Variants in ZAR1L observed in about 807,000 individuals in gnomAD.
ZAR1L encodes the protein protein ZAR1-like.
A neutral mutation model predicts 30.0 loss-of-function variants in ZAR1L; 16 were observed. The ratio of observed to expected loss-of-function variants is 0.53; its 90% CI spans 0.36 to 0.81. The LOEUF is 0.81. Among genes scored for constraint, ZAR1L ranks in the 30% least tolerant of loss-of-function variants. The probability of loss-of-function intolerance (pLI) is 0.00; values close to 1 mark genes in which losing one functional copy is unlikely to be tolerated. For synonymous variants in ZAR1L, 197 were observed against 166.8 expected (o/e 1.18, Z -1.40); for missense variants, 392 against 417.2 (o/e 0.94, Z 0.53).
At chr13:32,314,069 A>G (rs2072232534) in intron 2 of ZAR1L, among the ~76,000 whole-genome samples, 1 of 152,240 alleles carries the variant, frequency 6.6e-6, no homozygotes, top group African/African-American at 2.4e-5. Flanking sequence ...CAGTATCCTC[A>G]TCTGACAATA....
chr13:32,312,363 AAAGTTAATAG>A (rs1473880439), intron 2 of ZAR1L, among the ~76,000 whole-genome samples: 1 of 152,252 alleles, frequency 6.6e-6, no homozygotes, highest in African/African-American at 2.4e-5. Context: ...GTTCCTTAAA[AAAGTTAATAG>A]AAGTACCAGA....
intron 5 of ZAR1L, among the ~76,000 whole-genome samples, chr13:32,305,614 T>A (rs1048348509): frequency 1.3e-5 from 2 of 152,218 alleles, no homozygotes; most frequent in African/African-American, 4.8e-5. Context: ...ATGAATTCAT[T>A]TAATTCTCAC....
At chr13:32,313,435 C>T (rs778592272) in intron 2 of ZAR1L, among the ~76,000 whole-genome samples, 1 of 152,208 alleles carries the variant, frequency 6.6e-6, no homozygotes, top group Non-Finnish European at 1.5e-5. Context: ...GGCATGATTT[C>T]GGCTCACTGC....
Position 32,311,920 on chromosome 13 carries a change from C to T in ZAR1L, c.6G>A (p.Glu2=). The T allele has an allele frequency of 6.5e-7, 1 of 1,546,028 alleles. No individual in the cohort carries two copies. Among genetic ancestry groups the T allele is most frequent in the Non-Finnish European group, 8.7e-7 (1 of 1,143,640 alleles). The change falls in exon 3 of 6, where the codon GAG becomes GAA. Residue 2 remains glutamate, a synonymous_variant. Coordinates refer to ENST00000533490, the MANE Select transcript of ZAR1L (RefSeq NM_001136571.2). M[E]RFVRVPYGLY... Reference sequence around the variant, plus strand: ...AGCCATAGGGAACACGGACAAAGCGCTCCATCCGCTCTCAGGTGCTCAGGC... The same window carrying T: ...AGCCATAGGGAACACGGACAAAGCGTTCCATCCGCTCTCAGGTGCTCAGGC...
intron 5 of ZAR1L, among the ~76,000 whole-genome samples, chr13:32,307,111 A>G (rs1324725612): frequency 6.6e-6 from 1 of 152,070 alleles, no homozygotes. Context: ...ATACACAATA[A>G]TCTTATAAAA....
At position 32,303,829 on chromosome 13, in the gene ZAR1L, G is replaced by A; in HGVS notation, c.*50C>T. ...AGTTGCAAAAAAGGAAGACAGCACA[G>A]TAAGTTACAAGAAGAGCTCAGGGGT... is the stretch of plus-strand genomic sequence containing the variant. On this transcript the variant is annotated 3_prime_UTR_variant, in exon 6 of 6. Coordinates refer to ENST00000533490, the MANE Select transcript of ZAR1L (RefSeq NM_001136571.2). The A allele has an allele frequency of 1.3e-6, 2 of 1,525,022 alleles. No homozygotes were observed. The highest frequency in any genetic ancestry group is 1.8e-6 in the Non-Finnish European group (2 of 1,132,810). The allele number at this position is 1,525,022 out of a possible 1,614,324, so 94.5% of individuals were successfully genotyped here.
intron 2 of ZAR1L, among the ~76,000 whole-genome samples, chr13:32,313,013 G>T (rs73169172): frequency 0.14 from 20,927 of 152,186 alleles, 1,885 homozygotes; most frequent in Admixed American, 0.18. Context: ...TGTGGAATCT[G>T]AAAAAGTCAA....
chr13:32,312,037 T>A lies in ZAR1L; in HGVS notation c.-112A>T. ...TTTCTCTTCATCAGGTTGGTTCAGA[T>A]TCATTCCTGGCTTCTCCATTTATTT... On this transcript the variant is annotated 5_prime_UTR_variant, in exon 3 of 6. Coordinates refer to ENST00000533490, the MANE Select transcript of ZAR1L (RefSeq NM_001136571.2). 8.1e-7 allele frequency: 1 copy of A among 1,233,484 alleles called. No individual in the cohort carries two copies. The highest frequency in any genetic ancestry group is 1.1e-6 in the Non-Finnish European group (1 of 912,132). 76.4% of individuals were successfully genotyped at this position (1,233,484 alleles called of 1,614,324 possible). A position where few individuals can be genotyped will look rare whatever the true frequency, so the allele number is the denominator to read the frequency against.
chr13:32,310,613 T>C (rs1162179525), intron 4 of ZAR1L, 26 bp downstream of exon 4: 6 of 1,473,844 alleles, frequency 4.1e-6, no homozygotes, highest in South Asian at 1.2e-5. Context: ...CCCATCCTCC[T>C]CTCACCTCCT....
At position 32,311,792 on chromosome 13, in the gene ZAR1L, G is replaced by C. The variant is rs542906029; in HGVS notation, c.134C>G (p.Ala45Gly). The C allele has an allele frequency of 9.7e-6, 15 of 1,551,674 alleles. No individual in the cohort carries two copies. The East Asian group carries it at 1.7e-4, about 18-fold the overall frequency. ...CGCGGGCACCAGCAGCCCTGGCCTG[G>C]CCAGAAAAGTGGGAGGACCCATATT... is the stretch of plus-strand genomic sequence containing the variant. ...RQNMGPPTFL[A>G]RPGLLVPANA... The change falls in exon 3 of 6, where the codon GCC (alanine) becomes GGC (glycine). Residue 45 changes from alanine to glycine, a missense_variant. Transcript: ENST00000533490.
At chr13:32,308,833 TAAG>T in intron 4 of ZAR1L, 73 bp from the exon 5 acceptor site, 3 of 1,021,688 alleles carry the variant, frequency 2.9e-6, no homozygotes, top group Non-Finnish European at 4.4e-6. Flanking sequence ...TCCCAGTTCT[TAAG>T]TAATCCATTG....
In ZAR1L at chr13:32,310,515, C is replaced by T. The variant is rs1036645963; in HGVS notation, c.747+124G>A. On this transcript the variant is annotated intron_variant, in intron 4 of 5. Transcript: ENST00000533490. Reference sequence around the variant, plus strand: ...CTGAGCACTTCCTGTACACCTGGCACGGGGGATGCCACCAAGATCAAGACA... The same window carrying T: ...CTGAGCACTTCCTGTACACCTGGCATGGGGGATGCCACCAAGATCAAGACA... 28 of 688,654 alleles carry T rather than the reference C, an allele frequency of 4.1e-5. No homozygotes were observed. In the Middle Eastern group the frequency reaches 1.5e-3, roughly 37 times the overall value. The allele number at this position is 688,654 out of a possible 1,614,324, so 42.7% of individuals were successfully genotyped here.
intron 3 of ZAR1L, 106 bp downstream of exon 3, chr13:32,311,166 C>T: frequency 3.9e-6 from 5 of 1,267,746 alleles, no homozygotes; most frequent in African/African-American, 1.5e-5. Flanking sequence ...TCACCAAGTA[C>T]ATGGAAGAAG....
chr13:32,307,490 G>C (rs1424636019), intron 5 of ZAR1L, among the ~76,000 whole-genome samples: 1 of 94,086 alleles, frequency 1.1e-5, no homozygotes, highest in Admixed American at 1.7e-4. Flanking sequence ...CACAGCAAGA[G>C]TCTGTCTCAA....
chr13:32,313,027 C>A (rs1488056608), intron 2 of ZAR1L, among the ~76,000 whole-genome samples: 1 of 152,088 alleles, frequency 6.6e-6, no homozygotes, highest in Non-Finnish European at 1.5e-5. Flanking sequence ...AAGTCAAATA[C>A]ATAGAAGCAG....
intron 4 of ZAR1L, among the ~76,000 whole-genome samples, chr13:32,310,120 C>A (rs1263861307): frequency 6.6e-6 from 1 of 152,250 alleles, no homozygotes; most frequent in Admixed American, 6.5e-5. Context: ...CTCTAATGAC[C>A]AGAGCCTACA....
chr13:32,305,075 C>T (rs540594031), intron 5 of ZAR1L, among the ~76,000 whole-genome samples: 226 of 151,674 alleles, frequency 1.5e-3, no homozygotes, highest in African/African-American at 4.9e-3. Flanking sequence ...CCTCCCAAAG[C>T]GCTGGGATTA....
chr13:32,314,837 A>G (rs2072238420), intron 1 of ZAR1L, among the ~76,000 whole-genome samples: 1 of 152,004 alleles, frequency 6.6e-6, no homozygotes, highest in Non-Finnish European at 1.5e-5. Context: ...GGGCCACAAG[A>G]GCGAAACTCC....
At chr13:32,305,855 T>C (rs929093513) in intron 5 of ZAR1L, among the ~76,000 whole-genome samples, 2 of 152,192 alleles carry the variant, frequency 1.3e-5, no homozygotes, top group Non-Finnish European at 2.9e-5. Flanking sequence ...CTATAGTTTT[T>C]CACATGTGAT....
Sources: gnomAD v4.1 joint callset for allele counts (sites outside exome capture counted in the v4.1 genomes callset) on GRCh38, gnomAD v4.1.1 for gene constraint, MANE v1.5 for transcripts, NCBI Gene and HGNC (gene_info 2026-07-23, HGNC 2026-07-21) for gene names.